PTPRS: variants seen among roughly 807,000 people sequenced by gnomAD.
The protein encoded by PTPRS is protein tyrosine phosphatase receptor type S, also known as receptor-type tyrosine-protein phosphatase S.
Under a neutral mutation model 215.3 loss-of-function variants are expected in PTPRS, and 63 were observed. The ratio of observed to expected loss-of-function variants is 0.29; its 90% CI spans 0.24 to 0.36. The LOEUF is 0.36. PTPRS is among the 10% of genes least tolerant of loss of function. The pLI, the probability that PTPRS is intolerant of heterozygous loss-of-function variation, is 1.00. For missense variants in PTPRS, 2,258 were observed against 2,825.8 expected (o/e 0.80, Z 4.56); for synonymous variants, 1,404 against 1,191.4 (o/e 1.18, Z -3.68).
intron 18 of PTPRS, 91 bp downstream of exon 18, chr19:5,222,598 A>G: frequency 7.7e-7 from 1 of 1,291,572 alleles, no homozygotes; most frequent in East Asian, 2.9e-5. Context: ...AAAAGTGAGC[A>G]CTTACCTGGG....
chr19:5,280,418 C>T (rs1315739093), intron 2 of PTPRS, among the ~76,000 whole-genome samples: 1 of 152,178 alleles, frequency 6.6e-6, no homozygotes, highest in African/African-American at 2.4e-5. Context: ...GAGCATCTGT[C>T]CCAAAAGTCA....
At chr19:5,329,296 G>A (rs1211449363) in intron 1 of PTPRS, among the ~76,000 whole-genome samples, 1 of 151,944 alleles carries the variant, frequency 6.6e-6, no homozygotes, top group Non-Finnish European at 1.5e-5. Context: ...ATCCAGAGAG[G>A]GAAAGTGACT....
rs370050789 is a variant in PTPRS at position 5,209,369 on chromosome 19, T to G, written c.5488-978A>C. Among the ~76,000 whole-genome samples, 20 of 152,292 alleles carry G rather than the reference T, an allele frequency of 1.3e-4. No homozygotes were observed. In the East Asian group the frequency reaches 2.9e-3, roughly 22 times the overall value. The stretch of plus-strand genomic sequence containing the variant: ...CTCTCCACCATCCAAGGGTACCATC[T>G]TCCACTGACATTCTCCATTCCCCAT... On this transcript the variant is annotated intron_variant, in intron 35 of 37. Transcript: ENST00000262963.
At chr19:5,324,539 A>C (rs765711950) in intron 1 of PTPRS, among the ~76,000 whole-genome samples, 1 of 152,136 alleles carries the variant, frequency 6.6e-6, no homozygotes, top group Admixed American at 6.5e-5. Context: ...TGATGGTTGC[A>C]ATGGAGGAGG....
rs974043992 is a variant in PTPRS, at chr19:5,237,499, G to A, written c.1849+1420C>T. On this transcript the variant is annotated intron_variant, in intron 13 of 37. Transcript: ENST00000262963. The surrounding 1 kb of genome is among the most constrained non-coding windows in gnomAD (Gnocchi z 4.2). ...TCCGGCCCAACCTGCATGACATCTCGGGAAGGGATGTGTGCAAAGACGTGG... is the reference window on the plus strand; with the variant it reads ...TCCGGCCCAACCTGCATGACATCTCAGGAAGGGATGTGTGCAAAGACGTGG... Among the ~76,000 whole-genome samples the A allele has an allele frequency of 1.3e-5, 2 of 152,224 alleles. No individual in the cohort carries two copies. The highest frequency in any genetic ancestry group is 2.4e-5 in the African/African-American group (1 of 41,460).
At chr19:5,292,284 T>C (rs557326464) in intron 1 of PTPRS, among the ~76,000 whole-genome samples, 5 of 152,180 alleles carry the variant, frequency 3.3e-5, no homozygotes, top group South Asian at 2.1e-4. Flanking sequence ...ACTGAGACCA[T>C]AGACAGAGAC....
intron 1 of PTPRS, among the ~76,000 whole-genome samples, chr19:5,298,914 T>G (rs976606441): frequency 6.6e-6 from 1 of 152,192 alleles, no homozygotes; most frequent in African/African-American, 2.4e-5. Context: ...CTCACTGCTT[T>G]TCCTCCCTCA....
chr19:5,239,470 GAC>G (rs1013700105), intron 12 of PTPRS, among the ~76,000 whole-genome samples: 2 of 151,750 alleles, frequency 1.3e-5, no homozygotes, highest in African/African-American at 4.8e-5. Context: ...GAGAGACAGA[GAC>G]AGAGAGAGAT....
intron 7 of PTPRS, among the ~76,000 whole-genome samples, chr19:5,259,917 T>A (rs1186181891): frequency 2.0e-5 from 3 of 152,164 alleles, no homozygotes; most frequent in Admixed American, 2.0e-4. Flanking sequence ...AGTATCTCCA[T>A]CACTAAGGAG....
intron 9 of PTPRS, among the ~76,000 whole-genome samples, chr19:5,251,206 C>G (rs2045026201): frequency 6.6e-6 from 1 of 152,048 alleles, no homozygotes; most frequent in African/African-American, 2.4e-5. Context: ...AGGGTGGGCA[C>G]CGCCCCTCAG....
At chr19:5,283,120 A>G (rs1054631120) in intron 2 of PTPRS, among the ~76,000 whole-genome samples, 1 of 152,210 alleles carries the variant, frequency 6.6e-6, no homozygotes, top group African/African-American at 2.4e-5. Context: ...TTCTGCAGAC[A>G]AGAATCCAGT....
Position 5,313,330 on chromosome 19 carries a change from C to A in PTPRS, c.-94-27096G>T, listed in dbSNP as rs549157814. On this transcript the variant is annotated intron_variant, in intron 1 of 37. Transcript: ENST00000262963. ...TGCTCAAGGGCAAAGTGAGCAGAGA[C>A]AGGGGTGTACCCAGGAGGAGATGGT... Among the ~76,000 whole-genome samples the A allele has an allele frequency of 2.0e-5, 3 of 152,304 alleles. No individual in the cohort carries two copies. In the East Asian group the frequency reaches 5.8e-4, roughly 29 times the overall value.
In PTPRS at chr19:5,258,007, C is replaced by CGTTCCCTA; in HGVS notation, c.706+2_706+9dup. ...GTCCCTGCCTTTGACCTGGACGCGG[C>CGTTCCCTA]GTTCCCTACCTCGCACGTAGAGGTT... is the stretch of plus-strand genomic sequence containing the variant. On this transcript the variant is annotated intron_variant, in intron 8 of 37. Coordinates refer to ENST00000262963, the MANE Select transcript of PTPRS (RefSeq NM_002850.4). 1.2e-6 allele frequency: 2 copies of CGTTCCCTA among 1,610,188 alleles called. No homozygotes were observed. Among genetic ancestry groups the CGTTCCCTA allele is most frequent in the Non-Finnish European group, 1.7e-6 (2 of 1,177,250 alleles).
intron 36 of PTPRS, 59 bp downstream of exon 36, chr19:5,208,178 C>A: frequency 6.4e-7 from 1 of 1,557,530 alleles, no homozygotes; most frequent in South Asian, 1.2e-5. Context: ...TGGGGCTGTC[C>A]CCACCAGGCC....
chr19:5,253,440 C>A (rs1274671098), intron 9 of PTPRS, among the ~76,000 whole-genome samples: 2 of 152,234 alleles, frequency 1.3e-5, no homozygotes, highest in African/African-American at 4.8e-5. Context: ...GCTTTCAGAA[C>A]ATGCCAGGTA....
At chr19:5,256,707 C>T (rs369869273) in intron 8 of PTPRS, among the ~76,000 whole-genome samples, 21 of 152,090 alleles carry the variant, frequency 1.4e-4, no homozygotes, top group East Asian at 1.3e-3. Context: ...GTGGATCAGA[C>T]GTGCCCCTAC....
intron 1 of PTPRS, among the ~76,000 whole-genome samples, chr19:5,302,720 A>AC (rs1251283070): frequency 6.6e-6 from 1 of 151,812 alleles, no homozygotes; most frequent in Non-Finnish European, 1.5e-5. Flanking sequence ...TCCAGAGGCC[A>AC]CCCCCAAACA....
At chr19:5,233,858 A>C (rs910757836) in intron 13 of PTPRS, among the ~76,000 whole-genome samples, 1 of 147,436 alleles carries the variant, frequency 6.8e-6, no homozygotes, top group Non-Finnish European at 1.5e-5. Flanking sequence ...AGGCAGGAGA[A>C]TCACTTGAAC....
intron 1 of PTPRS, among the ~76,000 whole-genome samples, chr19:5,309,006 AC>A (rs1240781109): frequency 1.3e-5 from 2 of 151,826 alleles, no homozygotes; most frequent in Admixed American, 6.6e-5. Flanking sequence ...GCTCACCAAG[AC>A]CCCCTGGCCC....
Sources: gnomAD v4.1 joint callset for allele counts (sites outside exome capture counted in the v4.1 genomes callset) on GRCh38, gnomAD v4.1.1 for gene constraint, Gnocchi (gnomAD v3.1) non-coding constraint, MANE v1.5 for transcripts, NCBI Gene and HGNC (gene_info 2026-07-23, HGNC 2026-07-21) for gene names.